TMEM178A: variants seen among roughly 807,000 people sequenced by gnomAD.
TMEM178A encodes the protein transmembrane protein 178.
In TMEM178A, 12 loss-of-function variants were observed where a neutral mutation model predicts 29.1. The ratio of observed to expected loss-of-function variants is 0.41; its 90% confidence interval spans 0.26 to 0.67. The LOEUF (loss-of-function observed/expected upper bound fraction) is 0.67. Among genes scored for constraint, TMEM178A ranks in the 30% least tolerant of loss-of-function variants. The pLI, the probability that TMEM178A is intolerant of heterozygous loss-of-function variation, is 0.29. For synonymous variants in TMEM178A, 210 were observed against 187.2 expected, an observed-to-expected ratio of 1.12 and a Z score of -0.99; for missense variants, 366 against 419.1, an observed-to-expected ratio of 0.87 and a Z score of 1.11.
chr2:39,718,785 C>G (rs184732993), downstream of TMEM178A, among the ~76,000 whole-genome samples: 8 of 152,048 alleles, frequency 5.3e-5, no homozygotes, highest in African/African-American at 1.9e-4. Context: ...GGGCACTCGC[C>G]GACTTCTAAG....
At chr2:39,692,764 G>A (rs1184652057) in intron 1 of TMEM178A, among the ~76,000 whole-genome samples, 4 of 152,154 alleles carry the variant, frequency 2.6e-5, no homozygotes, top group African/African-American at 7.2e-5. Context: ...TTGTGTGACC[G>A]CCTATTTCAC....
chr2:39,681,551 T>C (rs1670871064), intron 1 of TMEM178A, among the ~76,000 whole-genome samples: 1 of 152,142 alleles, frequency 6.6e-6, no homozygotes, highest in Non-Finnish European at 1.5e-5. Context: ...CATCACATAT[T>C]GGTCTTCGAA....
downstream of TMEM178A, among the ~76,000 whole-genome samples, chr2:39,720,229 G>T (rs72936047): frequency 6.6e-6 from 1 of 152,080 alleles, no homozygotes; most frequent in African/African-American, 2.4e-5. Flanking sequence ...AGGGCCGGGT[G>T]GGGGGTGCCT....
chr2:39,672,571 G>T (rs555475418), intron 1 of TMEM178A, among the ~76,000 whole-genome samples: 24 of 152,078 alleles, frequency 1.6e-4, no homozygotes, highest in Non-Finnish European at 3.4e-4. Context: ...TGTCACTCAG[G>T]CTAGAGCTGA....
At chr2:39,707,292 G>A in intron 3 of TMEM178A, 106 bp downstream of exon 3, 2 of 1,368,050 alleles carry the variant, frequency 1.5e-6, no homozygotes, top group East Asian at 5.0e-5. Context: ...TGTTTTCACT[G>A]TTAGAAAAGC....
chr2:39,666,393 C>T lies in TMEM178A; in HGVS notation c.400+19C>T. 1.5e-6 allele frequency: 2 copies of T among 1,327,366 alleles called. No homozygotes were observed. The highest frequency in any genetic ancestry group is 9.7e-7 in the Non-Finnish European group (1 of 1,035,084). The allele number at this position is 1,327,366 out of a possible 1,614,324, so 82.2% of individuals were successfully genotyped here. ...CTGAAAGGTGAGCGGCGGGCGCACC[C>T]CGCGTCCCCGGCGCCCGCGCGTGGA... is the stretch of plus-strand genomic sequence containing the variant. On this transcript the variant is annotated intron_variant, in intron 1 of 3. Transcript: ENST00000281961.
At chr2:39,705,298 C>G (rs1034190721) in intron 2 of TMEM178A, among the ~76,000 whole-genome samples, 5 of 152,206 alleles carry the variant, frequency 3.3e-5, no homozygotes, top group Admixed American at 3.3e-4. Context: ...ACTTGGTGAT[C>G]TGTAGCACAT....
intron 1 of TMEM178A, among the ~76,000 whole-genome samples, chr2:39,684,003 ATCTGT>A: frequency 1.3e-5 from 2 of 152,314 alleles, no homozygotes. Flanking sequence ...ATTATGTATG[ATCTGT>A]TCTGTTCACG....
intron 1 of TMEM178A, among the ~76,000 whole-genome samples, chr2:39,675,661 G>T (rs1190206034): frequency 2.0e-5 from 3 of 152,258 alleles, no homozygotes; most frequent in Non-Finnish European, 4.4e-5. Flanking sequence ...TTATCACACA[G>T]TTCTTGTTTT....
intron 1 of TMEM178A, among the ~76,000 whole-genome samples, chr2:39,691,562 T>G (rs1279197876): frequency 6.6e-6 from 1 of 152,146 alleles, no homozygotes; most frequent in Non-Finnish European, 1.5e-5. Flanking sequence ...ACAACCATTA[T>G]AGAAAACAAT....
At chr2:39,712,045 G>GTGTA (rs1672331496) in intron 3 of TMEM178A, among the ~76,000 whole-genome samples, 1 of 145,068 alleles carries the variant, frequency 6.9e-6, no homozygotes, top group African/African-American at 2.8e-5. Flanking sequence ...TGCATTTTGT[G>GTGTA]TGTGTGTGTG....
intron 1 of TMEM178A, among the ~76,000 whole-genome samples, chr2:39,685,336 C>G (rs1206151026): frequency 6.6e-6 from 1 of 152,178 alleles, no homozygotes; most frequent in Non-Finnish European, 1.5e-5. Context: ...TCTTGCTTAT[C>G]CTGGGGATGT....
Position 39,717,044 on chromosome 2 carries a change from C to T in TMEM178A, c.687C>T (p.Ala229=), listed in dbSNP as rs747145533. The part of the protein sequence containing the change: ...IFCTISLCTY[A]ASISYDLNRL... ...GCACCATTTCCCTCTGTACTTATGC[C>T]GCCAGTATCTCGTATGATTTGAACC... The change falls in exon 4 of 4, where the codon GCC becomes GCT. Residue 229 remains alanine (A), a synonymous_variant. Coordinates refer to ENST00000281961, the MANE Select transcript of TMEM178A (RefSeq NM_152390.3). The T allele has an allele frequency of 2.6e-5, 42 of 1,610,424 alleles. No individual in the cohort carries two copies. The highest frequency in any genetic ancestry group is 3.3e-4 in the Middle Eastern group (2 of 6,084).
chr2:39,698,812 T>C (rs1029200539), intron 1 of TMEM178A, among the ~76,000 whole-genome samples: 2 of 152,182 alleles, frequency 1.3e-5, no homozygotes, highest in Admixed American at 6.5e-5. Context: ...GGCAAGTTTT[T>C]ACTAAGTTAA....
chr2:39,711,390 T>G (rs1672294250), intron 3 of TMEM178A, among the ~76,000 whole-genome samples: 1 of 152,248 alleles, frequency 6.6e-6, no homozygotes, highest in African/African-American at 2.4e-5. Flanking sequence ...ATTTTTAGTA[T>G]TTTTTAATTC....
At chr2:39,723,499 T>G in the TMEM178A span, among the ~76,000 whole-genome samples, 1 of 152,178 alleles carries the variant, frequency 6.6e-6, no homozygotes, top group Non-Finnish European at 1.5e-5. Context: ...AACTTTTAGG[T>G]CTCCTTCATT....
At chr2:39,688,893 C>T (rs1024226333) in intron 1 of TMEM178A, among the ~76,000 whole-genome samples, 6 of 152,190 alleles carry the variant, frequency 3.9e-5, no homozygotes, top group Non-Finnish European at 7.3e-5. Flanking sequence ...GTATCTATAA[C>T]ATATCCCATC....
At chr2:39,729,558 C>T in the TMEM178A span, among the ~76,000 whole-genome samples, 1 of 152,194 alleles carries the variant, frequency 6.6e-6, no homozygotes, top group Non-Finnish European at 1.5e-5. Context: ...CTCCAACCAA[C>T]CAATATTCGC....
At chr2:39,719,642 G>T (rs550653078), downstream of TMEM178A, among the ~76,000 whole-genome samples, 1 of 152,352 alleles carries the variant, frequency 6.6e-6, no homozygotes, top group African/African-American at 2.4e-5. Context: ...AATGAAGAAT[G>T]ATTGAAATGA....
Sources: gnomAD v4.1 joint callset for allele counts (sites outside exome capture counted in the v4.1 genomes callset) on GRCh38, gnomAD v4.1.1 for gene constraint, MANE v1.5 for transcripts, NCBI Gene and HGNC (gene_info 2026-07-23, HGNC 2026-07-21) for gene names.